IRF2: variants seen among roughly 807,000 people sequenced by gnomAD.
IRF2 encodes interferon regulatory factor 2.
A neutral mutation model predicts 40.6 loss-of-function variants in IRF2; 15 were observed. The ratio of observed to expected loss-of-function variants is 0.37; its 90% confidence interval spans 0.25 to 0.57. The LOEUF (loss-of-function observed/expected upper bound fraction) is 0.57, where lower values mean the gene tolerates loss of function less well. Among genes scored for constraint, IRF2 ranks in the 20% least tolerant of loss-of-function variants. IRF2 has a pLI of 0.77. For synonymous variants in IRF2, 151 were observed against 165.5 expected (o/e 0.91, Z 0.67); for missense variants, 317 against 455.7 (o/e 0.70, Z 2.77).
chr4:184,467,962 T>C (rs1397445722), intron 1 of IRF2, among the ~76,000 whole-genome samples: 1 of 152,194 alleles, frequency 6.6e-6, no homozygotes, highest in Admixed American at 6.5e-5. Context: ...GCCTTTGGGA[T>C]AAAAATACTT....
At chr4:184,430,702 C>T in intron 1 of IRF2, among the ~76,000 whole-genome samples, 1 of 151,824 alleles carries the variant, frequency 6.6e-6, no homozygotes, top group East Asian at 1.9e-4. Flanking sequence ...AGAGCATCAC[C>T]TTTTTTTTCT....
chr4:184,455,205 C>A (rs543747824), intron 1 of IRF2, among the ~76,000 whole-genome samples: 15 of 147,988 alleles, frequency 1.0e-4, no homozygotes, highest in African/African-American at 2.5e-4. Flanking sequence ...CCACCTTCTT[C>A]TTCTAACCTC....
chr4:184,421,798 G>A (rs1247446437), intron 2 of IRF2, among the ~76,000 whole-genome samples: 1 of 152,178 alleles, frequency 6.6e-6, no homozygotes, highest in African/African-American at 2.4e-5. Flanking sequence ...CAAAAGCGCT[G>A]ACCAAACCCA....
chr4:184,388,072 C>T lies in IRF2; in HGVS notation c.*686G>A, dbSNP rs1227349676. ...ATACTTTTTCCTTTGTACCGCGTGG[C>T]ATTCAAGCATAGCAGATTAGAAGGA... On this transcript the variant is annotated 3_prime_UTR_variant, in exon 9 of 9. Coordinates refer to ENST00000393593, the MANE Select transcript of IRF2 (RefSeq NM_002199.4). The surrounding 1 kb of genome is among the most constrained non-coding windows in gnomAD (Gnocchi z 4.6). The T allele has an allele frequency of 1.3e-5, 2 of 152,582 alleles. No homozygotes were observed. The highest frequency in any genetic ancestry group is 2.9e-5 in the Non-Finnish European group (2 of 68,044). 9.5% of individuals were successfully genotyped at this position (152,582 alleles called of 1,614,324 possible).
chr4:184,397,115 G>A lies in IRF2; in HGVS notation c.694+1800C>T, dbSNP rs545020512. ...AAACGCATTTGCTGAATAAAGCACCGAAGACAAGCTTATCCTGTTTGACAG... is the reference window on the plus strand; with the variant it reads ...AAACGCATTTGCTGAATAAAGCACCAAAGACAAGCTTATCCTGTTTGACAG... On this transcript the variant is annotated intron_variant, in intron 7 of 8. Transcript: ENST00000393593. Among the ~76,000 whole-genome samples the A allele has an allele frequency of 9.8e-5, 15 of 152,312 alleles. No individual in the cohort carries two copies. The South Asian group carries it at 2.3e-3, about 23-fold the overall frequency.
At chr4:184,402,140 G>A (rs148779102) in intron 6 of IRF2, among the ~76,000 whole-genome samples, 2,564 of 152,288 alleles carry the variant, frequency 0.017, 39 homozygotes, top group Non-Finnish European at 0.023. Context: ...ATAGGCCAGC[G>A]ACTAACCATC....
At chr4:184,440,271 C>T (rs1738253899) in intron 1 of IRF2, among the ~76,000 whole-genome samples, 1 of 152,254 alleles carries the variant, frequency 6.6e-6, no homozygotes, top group Non-Finnish European at 1.5e-5. Flanking sequence ...TGTTCAGGGG[C>T]TCTCCGCTCT....
intron 5 of IRF2, among the ~76,000 whole-genome samples, chr4:184,416,978 G>A (rs28640128): frequency 0.18 from 27,390 of 152,056 alleles, 3,056 homozygotes; most frequent in Non-Finnish European, 0.25. Flanking sequence ...CCCAGGAGGC[G>A]GAGGTTGCAA....
rs1579815813 is a variant in IRF2 at position 184,408,676 on chromosome 4, T to C, written c.412-401A>G. ...ATGCCTGGCTTTCACCAGGGAGGAA[T>C]CATGCTACCTCTTTCATAATTATTT... On this transcript the variant is annotated intron_variant, in intron 5 of 8. Transcript: ENST00000393593. The surrounding 1 kb of genome is among the most constrained non-coding windows in gnomAD (Gnocchi z 4.9). Among the ~76,000 whole-genome samples, 1 of 152,220 alleles carries C rather than the reference T, an allele frequency of 6.6e-6. No individual in the cohort carries two copies. The highest frequency in any genetic ancestry group is 1.5e-5 in the Non-Finnish European group (1 of 68,042).
At chr4:184,395,183 G>A (rs1736399579) in intron 7 of IRF2, among the ~76,000 whole-genome samples, 1 of 152,066 alleles carries the variant, frequency 6.6e-6, no homozygotes, top group Non-Finnish European at 1.5e-5. Flanking sequence ...AGGCCGAAGC[G>A]GGTGGATCAC....
intron 1 of IRF2, among the ~76,000 whole-genome samples, chr4:184,452,598 G>A (rs1186129813): frequency 3.3e-5 from 5 of 151,812 alleles, no homozygotes; most frequent in East Asian, 3.9e-4. Flanking sequence ...GGCTTTGTGA[G>A]GATTAAATGA....
intron 1 of IRF2, among the ~76,000 whole-genome samples, chr4:184,463,007 C>T (rs1402823952): frequency 1.3e-5 from 2 of 152,238 alleles, no homozygotes; most frequent in Non-Finnish European, 2.9e-5. Context: ...TAACTTACCA[C>T]ATAGGTGATA....
chr4:184,407,335 G>T, intron 6 of IRF2: 1 of 1,036,964 alleles, frequency 9.6e-7, no homozygotes, highest in South Asian at 1.5e-5. Flanking sequence ...TCCCCTTAAA[G>T]GGAAAGCAGG....
In IRF2 at chr4:184,391,031, C is replaced by T. The variant is rs567502604; in HGVS notation, c.695-282G>A. ...AAGGGGCGCTGGTCCCTGGGGCCCT[C>T]CTCACTGCAGCTCTGTCCACAATGC... On this transcript the variant is annotated intron_variant, in intron 7 of 8. Transcript: ENST00000393593. Among the ~76,000 whole-genome samples the T allele has an allele frequency of 6.6e-5, 10 of 152,368 alleles. No individual in the cohort carries two copies. The South Asian group carries it at 1.2e-3, about 19-fold the overall frequency.
At chr4:184,394,135 G>A (rs1163319735) in intron 7 of IRF2, among the ~76,000 whole-genome samples, 4 of 152,212 alleles carry the variant, frequency 2.6e-5, no homozygotes, top group African/African-American at 9.6e-5. Context: ...AGAAGCTGAA[G>A]GTGTTCGTAC....
intron 6 of IRF2, among the ~76,000 whole-genome samples, chr4:184,406,533 G>A (rs754381446): frequency 7.9e-5 from 12 of 152,058 alleles, no homozygotes; most frequent in Non-Finnish European, 1.5e-4. Context: ...CAGCCTCAGA[G>A]CTACTTTTTA....
At chr4:184,393,860 G>A (rs553774275) in intron 7 of IRF2, among the ~76,000 whole-genome samples, 1 of 152,254 alleles carries the variant, frequency 6.6e-6, no homozygotes, top group East Asian at 1.9e-4. Context: ...GGCTCCAAGT[G>A]CTTTGTTGGA....
At chr4:184,393,847 G>A (rs963357641) in intron 7 of IRF2, among the ~76,000 whole-genome samples, 11 of 152,062 alleles carry the variant, frequency 7.2e-5, no homozygotes, top group African/African-American at 2.4e-4. Context: ...CCCCAGAATC[G>A]GTGGCTCCAA....
At chr4:184,449,723 T>G (rs966390936) in intron 1 of IRF2, among the ~76,000 whole-genome samples, 1 of 152,224 alleles carries the variant, frequency 6.6e-6, no homozygotes, top group Non-Finnish European at 1.5e-5. Context: ...GACTTTAGGT[T>G]TTCAAGATAC....
Sources: allele counts gnomAD v4.1 joint callset (sites outside exome capture counted in the v4.1 genomes callset), GRCh38; gene constraint gnomAD v4.1.1; non-coding constraint Gnocchi (gnomAD v3.1); transcripts MANE v1.5; gene names NCBI Gene and HGNC (gene_info 2026-07-23, HGNC 2026-07-21).